Variants in PIK3R4 observed in about 807,000 individuals in gnomAD.
The protein encoded by PIK3R4 is phosphoinositide-3-kinase regulatory subunit 4, also known as phosphoinositide 3-kinase regulatory subunit 4.
In PIK3R4, 46 loss-of-function variants were observed where a neutral mutation model predicts 136.5. The ratio of observed to expected loss-of-function variants is 0.34; its 90% CI spans 0.27 to 0.43. PIK3R4 has a LOEUF of 0.43. PIK3R4 is among the 20% of genes least tolerant of loss of function. PIK3R4 has a pLI of 1.00. For synonymous variants in PIK3R4, 557 were observed against 566.7 expected (o/e 0.98, Z 0.24); for missense variants, 1,331 against 1,649.5 (o/e 0.81, Z 3.35).
rs557739364 is a variant in PIK3R4, at chr3:130,730,292, G to A, written c.1585+16C>T. 2 of 1,572,558 alleles carry A rather than the reference G, an allele frequency of 1.3e-6. No individual in the cohort carries two copies. Among genetic ancestry groups the A allele is most frequent in the Non-Finnish European group, 1.7e-6 (2 of 1,160,140 alleles). On this transcript the variant is annotated intron_variant, in intron 5 of 19. Coordinates refer to ENST00000356763, the MANE Select transcript of PIK3R4 (RefSeq NM_014602.3). ...ATTCTAAATAACAGGAAATCTGGAA[G>A]AGAAAATTATACAACCTGTGTCATA...
In PIK3R4 at chr3:130,703,582, A is replaced by G. The variant is rs571352062; in HGVS notation, c.3098+141T>C. 4.2e-4 allele frequency: 262 copies of G among 630,828 alleles called. 6 individuals carry two copies. The South Asian group carries it at 5.6e-3, about 13-fold the overall frequency. 39.1% of individuals were successfully genotyped at this position (630,828 alleles called of 1,614,324 possible). ...GTCTCTCACTTTCCACTAGAAGGTAAACTCCACAGAAGAAGGATTTTTGTC... is the reference window on the plus strand; with the variant it reads ...GTCTCTCACTTTCCACTAGAAGGTAGACTCCACAGAAGAAGGATTTTTGTC... On this transcript the variant is annotated intron_variant, in intron 13 of 19. Transcript: ENST00000356763.
chr3:130,680,853 T>C (rs1463201298), intron 18 of PIK3R4, 124 bp downstream of exon 18: 3 of 757,494 alleles, frequency 4.0e-6, no homozygotes, highest in Admixed American at 2.7e-5. Flanking sequence ...CAGCATACCA[T>C]TGGTTACAAA....
chr3:130,703,612 T>A, intron 13 of PIK3R4, 111 bp downstream of exon 13: 1 of 733,690 alleles, frequency 1.4e-6, no homozygotes, highest in Non-Finnish European at 2.3e-6. Flanking sequence ...TTTGTCCATT[T>A]ATTGTTGCTG....
rs1292445881 is a variant in PIK3R4 at position 130,728,489 on chromosome 3, C to T, written c.1781G>A (p.Arg594His). ...FLNDKNDWHL[R>H]GAFFDSIVGV... ...AACTATACTATCAAAAAATGCTCCA[C>T]GTAGATGCCAATCATTCTTATCATT... is the stretch of plus-strand genomic sequence containing the variant. Residue 594 changes from arginine (R) to histidine (H), a missense_variant, in exon 6 of 20, where the codon CGT (arginine) becomes CAT (histidine). This residue lies in a region of PIK3R4 where 1,180 missense variants were observed against 1,407.0 expected (regional missense o/e 0.84). Transcript: ENST00000356763. The T allele has an allele frequency of 8.7e-6, 14 of 1,611,326 alleles. No homozygotes were observed. The highest frequency in any genetic ancestry group is 5.0e-5 in the Admixed American group (3 of 59,668).
chr3:130,726,453 C>CA lies in PIK3R4; in HGVS notation c.1807+2009dup, dbSNP rs1400732768. Among the ~76,000 whole-genome samples the CA allele has an allele frequency of 2.3e-4, 35 of 151,908 alleles. 1 individual carries two copies. Among genetic ancestry groups the CA allele is most frequent in the Admixed American group, 2.3e-3 (35 of 15,254 alleles). Reference sequence around the variant, plus strand: ...TTTTACAGATAGGTAAACTAAGCCACAAAAAAATTAAATGATTTTCCAAGA... The same window carrying CA: ...TTTTACAGATAGGTAAACTAAGCCACAAAAAAAATTAAATGATTTTCCAAGA... On this transcript the variant is annotated intron_variant, in intron 6 of 19. Transcript: ENST00000356763.
intron 10 of PIK3R4, among the ~76,000 whole-genome samples, chr3:130,707,983 C>A (rs1390802478): frequency 6.6e-6 from 1 of 152,136 alleles, no homozygotes; most frequent in African/African-American, 2.4e-5. Flanking sequence ...GGTTAAAAAA[C>A]AGAATTTCAT....
chr3:130,732,466 A>G (rs958451497), intron 4 of PIK3R4, among the ~76,000 whole-genome samples: 3 of 152,216 alleles, frequency 2.0e-5, no homozygotes, highest in Non-Finnish European at 4.4e-5. Context: ...ATTTGATTTT[A>G]TCTGGTTCAA....
rs376043971 is a variant in PIK3R4, at chr3:130,711,231, G to GCA, written c.2332-2741_2332-2740dup. Reference sequence around the variant, plus strand: ...ACAAAACACACACACACACACGCACGCACACACACACAGACACACACTTTT... The same window carrying GCA: ...ACAAAACACACACACACACACGCACGCACACACACACACAGACACACACTTTT... On this transcript the variant is annotated intron_variant, in intron 9 of 19. Coordinates refer to ENST00000356763, the MANE Select transcript of PIK3R4 (RefSeq NM_014602.3). 3.3e-5 allele frequency among the ~76,000 whole-genome samples: 5 copies of GCA among 151,024 alleles called. No individual in the cohort carries two copies. The South Asian group carries it at 1.0e-3, about 32-fold the overall frequency.
chr3:130,737,793 G>A (rs994145165), intron 2 of PIK3R4, among the ~76,000 whole-genome samples: 25 of 152,148 alleles, frequency 1.6e-4, no homozygotes, highest in African/African-American at 5.6e-4. Context: ...CTAACTCAAA[G>A]CCTATTTCAC....
chr3:130,731,862 T>C (rs980159444), intron 4 of PIK3R4, among the ~76,000 whole-genome samples: 2 of 152,384 alleles, frequency 1.3e-5, no homozygotes, highest in Admixed American at 6.5e-5. Context: ...CCAGGCGTGG[T>C]GGCACACACC....
chr3:130,732,094 G>A (rs1207075604), intron 4 of PIK3R4, among the ~76,000 whole-genome samples: 1 of 152,230 alleles, frequency 6.6e-6, no homozygotes, highest in Non-Finnish European at 1.5e-5. Context: ...AAACCAAGGT[G>A]TAGAGCAGGA....
intron 9 of PIK3R4, 108 bp from the exon 10 acceptor site, chr3:130,708,600 A>G: frequency 2.1e-6 from 2 of 934,952 alleles, no homozygotes; most frequent in South Asian, 3.5e-5. Flanking sequence ...TAAAACTGAA[A>G]AGAGACAGAA....
chr3:130,718,719 T>C (rs2066681549), intron 7 of PIK3R4, among the ~76,000 whole-genome samples, 185 bp from the exon 8 acceptor site: 1 of 152,138 alleles, frequency 6.6e-6, no homozygotes, highest in Admixed American at 6.6e-5. Flanking sequence ...ATTATAATAT[T>C]CTCTTATTAT....
At chr3:130,727,182 C>G (rs967261835) in intron 6 of PIK3R4, among the ~76,000 whole-genome samples, 1 of 152,002 alleles carries the variant, frequency 6.6e-6, no homozygotes, top group Non-Finnish European at 1.5e-5. Context: ...AAAAATCAAA[C>G]AGCAAACCTT....
chr3:130,687,757 A>G (rs922155943), intron 14 of PIK3R4, among the ~76,000 whole-genome samples: 3 of 152,158 alleles, frequency 2.0e-5, no homozygotes, highest in Non-Finnish European at 4.4e-5. Context: ...TGCCCACTGG[A>G]AGCTCTTTCA....
chr3:130,728,737 A>G, intron 5 of PIK3R4, 53 bp from the exon 6 acceptor site: 1 of 1,279,576 alleles, frequency 7.8e-7, no homozygotes, highest in Non-Finnish European at 1.1e-6. Flanking sequence ...ATAGTTAAGA[A>G]AAGATCAATT....
chr3:130,705,830 G>C, intron 11 of PIK3R4, 59 bp from the exon 12 acceptor site: 1 of 944,930 alleles, frequency 1.1e-6, no homozygotes, highest in Non-Finnish European at 1.7e-6. Context: ...TTTGAAGACA[G>C]AAGTGTATGC....
At chr3:130,734,812 T>C (rs909407663) in intron 3 of PIK3R4, among the ~76,000 whole-genome samples, 4 of 152,218 alleles carry the variant, frequency 2.6e-5, no homozygotes, top group East Asian at 1.9e-4. Flanking sequence ...GGGACACTCA[T>C]AGGGTATCAG....
At chr3:130,694,556 C>A (rs2066536117) in intron 13 of PIK3R4, among the ~76,000 whole-genome samples, 1 of 151,970 alleles carries the variant, frequency 6.6e-6, no homozygotes, top group South Asian at 2.1e-4. Flanking sequence ...TGGATGGTTT[C>A]TTAAATTCAT....
Sources: gnomAD v4.1 joint callset for allele counts (sites outside exome capture counted in the v4.1 genomes callset) on GRCh38, gnomAD v4.1.1 for gene constraint, gnomAD v4.1.1 regional missense constraint, MANE v1.5 for transcripts, NCBI Gene and HGNC (gene_info 2026-07-23, HGNC 2026-07-21) for gene names.